SLC35F3: variants seen among roughly 807,000 people sequenced by gnomAD.
SLC35F3 encodes solute carrier family 35 member F3.
In SLC35F3, 25 loss-of-function variants were observed where a neutral mutation model predicts 49.9. The ratio of observed to expected loss-of-function variants is 0.50; its 90% CI spans 0.37 to 0.70. The LOEUF (loss-of-function observed/expected upper bound fraction) is 0.70. SLC35F3 is among the 30% of genes least tolerant of loss of function. The pLI is 0.00. For synonymous variants in SLC35F3, 275 were observed against 265.4 expected, an observed-to-expected ratio of 1.04 and a Z score of -0.35; for missense variants, 525 against 639.8, an observed-to-expected ratio of 0.82 and a Z score of 1.94.
At chr1:234,126,665 C>T (rs533765683) in intron 2 of SLC35F3, among the ~76,000 whole-genome samples, 2 of 151,946 alleles carry the variant, frequency 1.3e-5, no homozygotes, top group Non-Finnish European at 2.9e-5. Flanking sequence ...ATGTGCTCTC[C>T]ATTTCTATAA....
chr1:234,190,141 T>G (rs990108536), intron 2 of SLC35F3, among the ~76,000 whole-genome samples: 1 of 152,082 alleles, frequency 6.6e-6, no homozygotes, highest in African/African-American at 2.4e-5. Flanking sequence ...ACGGGATCTA[T>G]ACAACAAAAA....
intron 2 of SLC35F3, among the ~76,000 whole-genome samples, chr1:233,965,890 CTATT>C (rs1662898158): frequency 6.6e-6 from 1 of 152,206 alleles, no homozygotes; most frequent in Non-Finnish European, 1.5e-5. Context: ...ATTTATGAAT[CTATT>C]TAACCTGGGA....
chr1:234,237,384 G>A (rs908305999), intron 3 of SLC35F3, among the ~76,000 whole-genome samples: 1 of 152,064 alleles, frequency 6.6e-6, no homozygotes, highest in Non-Finnish European at 1.5e-5. Flanking sequence ...TTGATAAAAA[G>A]CACTTTAATT....
intron 2 of SLC35F3, among the ~76,000 whole-genome samples, chr1:234,117,447 C>A (rs1302306295): frequency 6.6e-6 from 1 of 152,042 alleles, no homozygotes; most frequent in Non-Finnish European, 1.5e-5. Context: ...CAAAAATTAG[C>A]TGGGTATGGT....
chr1:234,030,959 G>C (rs1315445984), intron 2 of SLC35F3, among the ~76,000 whole-genome samples: 1 of 152,164 alleles, frequency 6.6e-6, no homozygotes, highest in Non-Finnish European at 1.5e-5. Flanking sequence ...CCAGTTTTCT[G>C]CTTACATGGA....
At chr1:234,309,463 C>T (rs549812682) in intron 4 of SLC35F3, 143 bp downstream of exon 4, 1 of 697,166 alleles carries the variant, frequency 1.4e-6, no homozygotes, top group Non-Finnish European at 2.4e-6. Context: ...AAAATGAGCC[C>T]AGCAGAGGGC....
At chr1:234,235,654 A>AAT (rs1433313115) in intron 3 of SLC35F3, among the ~76,000 whole-genome samples, 1 of 152,244 alleles carries the variant, frequency 6.6e-6, no homozygotes, top group Non-Finnish European at 1.5e-5. Flanking sequence ...ACCTTCTGCT[A>AAT]TCATGCAGCT....
intron 3 of SLC35F3, among the ~76,000 whole-genome samples, chr1:234,254,679 C>T (rs992403784): frequency 6.6e-6 from 1 of 152,186 alleles, no homozygotes; most frequent in African/African-American, 2.4e-5. Context: ...AAGATCATTT[C>T]TCAGTTTTCT....
chr1:234,281,849 A>G (rs2102981254), intron 3 of SLC35F3, among the ~76,000 whole-genome samples: 1 of 151,846 alleles, frequency 6.6e-6, no homozygotes, highest in South Asian at 2.1e-4. Flanking sequence ...TCGGGGGTAG[A>G]GTACATTGTG....
At chr1:234,089,391 AAGC>A (rs138401149) in intron 2 of SLC35F3, among the ~76,000 whole-genome samples, 3,401 of 152,228 alleles carry the variant, frequency 0.022, 122 homozygotes, top group African/African-American at 0.078. Context: ...TAATAGATGA[AAGC>A]AGCATGTGCC....
At chr1:234,134,255 G>GTA (rs1385337118) in intron 2 of SLC35F3, among the ~76,000 whole-genome samples, 2 of 149,136 alleles carry the variant, frequency 1.3e-5, no homozygotes, top group African/African-American at 4.9e-5. Context: ...TGGGAAAATT[G>GTA]TATATATATA....
intron 3 of SLC35F3, among the ~76,000 whole-genome samples, chr1:234,306,732 TC>T (rs746376126): frequency 5.3e-5 from 8 of 152,126 alleles, no homozygotes; most frequent in Non-Finnish European, 7.3e-5. Flanking sequence ...ACTTGGGCCA[TC>T]AATACCAAGC....
chr1:233,911,125 GA>G (rs1661867291), intron 2 of SLC35F3, among the ~76,000 whole-genome samples: 1 of 152,248 alleles, frequency 6.6e-6, no homozygotes, highest in East Asian at 1.9e-4. Context: ...AGGTGAGGGG[GA>G]AGGGCTCATG....
intron 2 of SLC35F3, among the ~76,000 whole-genome samples, chr1:233,947,228 G>A (rs1662526767): frequency 6.6e-6 from 1 of 152,170 alleles, no homozygotes; most frequent in Non-Finnish European, 1.5e-5. Flanking sequence ...GGCTACTTGA[G>A]ATTCACCAAC....
intron 2 of SLC35F3, among the ~76,000 whole-genome samples, chr1:234,051,852 A>G (rs920770253): frequency 1.3e-5 from 2 of 152,094 alleles, no homozygotes; most frequent in African/African-American, 2.4e-5. Context: ...CGCATGAAGC[A>G]CTGTTGAATT....
rs149295517 is a variant in SLC35F3, at chr1:233,975,930, G to A, written c.283+70172G>A. On this transcript the variant is annotated intron_variant, in intron 2 of 7. Transcript: ENST00000366618. The stretch of plus-strand genomic sequence containing the variant: ...TGACCCAGAGGTGTACACACGTATG[G>A]TGTGTGTTTTATATGTGCGTGAGTT... Among the ~76,000 whole-genome samples, 9 of 152,346 alleles carry A rather than the reference G, an allele frequency of 5.9e-5. No homozygotes were observed. In the East Asian group the frequency reaches 1.2e-3, roughly 20 times the overall value.
intron 2 of SLC35F3, among the ~76,000 whole-genome samples, chr1:234,108,158 G>A (rs532030017): frequency 3.5e-4 from 51 of 143,866 alleles, no homozygotes; most frequent in Middle Eastern, 3.5e-3. Flanking sequence ...GCAACATAGC[G>A]ATACCCTGTT....
intron 2 of SLC35F3, among the ~76,000 whole-genome samples, chr1:233,994,005 G>T (rs1465511108): frequency 6.6e-6 from 1 of 152,142 alleles, no homozygotes. Flanking sequence ...AAGTAATTGT[G>T]CTTCTCTATA....
chr1:234,090,517 A>G (rs1259492430), intron 2 of SLC35F3, among the ~76,000 whole-genome samples: 1 of 152,238 alleles, frequency 6.6e-6, no homozygotes, highest in Non-Finnish European at 1.5e-5. Flanking sequence ...GGGGGTACTT[A>G]TAGGAAAGTA....
Sources: gnomAD v4.1 joint callset for allele counts (sites outside exome capture counted in the v4.1 genomes callset) on GRCh38, gnomAD v4.1.1 for gene constraint, MANE v1.5 for transcripts, NCBI Gene and HGNC (gene_info 2026-07-23, HGNC 2026-07-21) for gene names.